The following DLGAP2 variants were observed in gnomAD, a reference collection of about 807,000 sequenced individuals.
DLGAP2 encodes the protein disks large-associated protein 2.
DLGAP2 carries 26 observed loss-of-function variants against 100.3 expected under a neutral mutation model. The ratio of observed to expected loss-of-function variants is 0.26; its 90% CI spans 0.19 to 0.36. DLGAP2 has a LOEUF of 0.36. DLGAP2 is among the 10% of genes least tolerant of loss of function. The probability of loss-of-function intolerance (pLI) is 1.00; values close to 1 mark genes in which losing one functional copy is unlikely to be tolerated. For synonymous variants in DLGAP2, 886 were observed against 630.1 expected (o/e 1.41, Z -6.08); for missense variants, 1,858 against 1,453.2 (o/e 1.28, Z -4.53).
chr8:1,197,813 G>A (rs575446278), intron 2 of DLGAP2, among the ~76,000 whole-genome samples: 2 of 152,320 alleles, frequency 1.3e-5, no homozygotes, highest in African/African-American at 4.8e-5. Flanking sequence ...CATCTCCTGG[G>A]CCTCCTGCAG....
chr8:1,431,433 T>C (rs1210120822), intron 3 of DLGAP2, among the ~76,000 whole-genome samples: 1 of 152,228 alleles, frequency 6.6e-6, no homozygotes, highest in Admixed American at 6.5e-5. Context: ...CTCAGTTCCG[T>C]TGGCTGACCA....
chr8:1,257,700 G>T lies in DLGAP2; in HGVS notation c.74-1151G>T, dbSNP rs536582039. On this transcript the variant is annotated intron_variant, in intron 2 of 14. Coordinates refer to ENST00000637795, the MANE Select transcript of DLGAP2 (RefSeq NM_001346810.2). Reference sequence around the variant, plus strand: ...AGGGCCCGTGCAGGCCAGTGCTGGCGTGGAAGAGCCGGTGTCCTCCCGAGG... The same window carrying T: ...AGGGCCCGTGCAGGCCAGTGCTGGCTTGGAAGAGCCGGTGTCCTCCCGAGG... Among the ~76,000 whole-genome samples the T allele has an allele frequency of 1.3e-4, 20 of 151,488 alleles. No individual in the cohort carries two copies. The East Asian group carries it at 3.9e-3, about 29-fold the overall frequency.
chr8:1,193,510 C>T (rs921043003), intron 2 of DLGAP2, among the ~76,000 whole-genome samples: 1 of 152,260 alleles, frequency 6.6e-6, no homozygotes, highest in Non-Finnish European at 1.5e-5. Flanking sequence ...TAGCACCATG[C>T]GTTCAGGGCT....
chr8:1,537,695 A>C (rs1172376659), intron 4 of DLGAP2, among the ~76,000 whole-genome samples: 1 of 151,690 alleles, frequency 6.6e-6, no homozygotes, highest in African/African-American at 2.4e-5. Flanking sequence ...GGATGGAAGG[A>C]TAGATGGAAG....
intron 3 of DLGAP2, among the ~76,000 whole-genome samples, chr8:1,311,834 A>G (rs779268774): frequency 2.6e-5 from 4 of 152,206 alleles, no homozygotes; most frequent in Admixed American, 6.5e-5. Context: ...GAGGGAATAA[A>G]TCTCCAAGAA....
At chr8:998,334 TC>T (rs1362417587) in intron 2 of DLGAP2, among the ~76,000 whole-genome samples, 1 of 152,220 alleles carries the variant, frequency 6.6e-6, no homozygotes, top group Admixed American at 6.5e-5. Flanking sequence ...AGGGTCTTGC[TC>T]TGTCACCCAG....
chr8:1,267,443 G>A (rs951305165), intron 3 of DLGAP2, among the ~76,000 whole-genome samples: 5 of 149,462 alleles, frequency 3.3e-5, no homozygotes, highest in African/African-American at 9.8e-5. Flanking sequence ...GCGGGCGCCT[G>A]TAACCCCAGC....
rs550247633 is a variant in DLGAP2, at chr8:1,641,089, G to C, written c.1810+8043G>C. ...AGGGTCGGGTGTCGGAGTTAGGACA[G>C]GAGCCCCTGGTCTGTGCTGTAGAGA... On this transcript the variant is annotated intron_variant, in intron 8 of 14. Transcript: ENST00000637795. 2.0e-5 allele frequency among the ~76,000 whole-genome samples: 3 copies of C among 152,246 alleles called. No homozygotes were observed. The East Asian group carries it at 5.8e-4, about 30-fold the overall frequency.
At chr8:1,282,658 CA>C in intron 3 of DLGAP2, among the ~76,000 whole-genome samples, 1 of 130,834 alleles carries the variant, frequency 7.6e-6, no homozygotes, top group African/African-American at 2.8e-5. Flanking sequence ...ATGAACCATC[CA>C]GACGTGGTGT....
chr8:1,449,406 C>T (rs1318501091), intron 3 of DLGAP2, among the ~76,000 whole-genome samples: 1 of 152,122 alleles, frequency 6.6e-6, no homozygotes, highest in Non-Finnish European at 1.5e-5. Context: ...CTGGAGCTTC[C>T]AGGGGGACTC....
rs182676549 is a variant in DLGAP2 at position 1,058,191 on chromosome 8, C to T, written c.73+150225C>T. On this transcript the variant is annotated intron_variant, in intron 2 of 14. Transcript: ENST00000637795. ...GGGGCGCGGCCGGATTGACTAGCGG[C>T]GGGTCTGGGGGTGTGGCCGGATTGA... Among the ~76,000 whole-genome samples, 7 of 151,730 alleles carry T rather than the reference C, an allele frequency of 4.6e-5. No homozygotes were observed. In the East Asian group the frequency reaches 5.8e-4, roughly 13 times the overall value.
intron 2 of DLGAP2, among the ~76,000 whole-genome samples, chr8:1,048,579 A>C (rs1453053618): frequency 6.6e-6 from 1 of 151,622 alleles, no homozygotes; most frequent in African/African-American, 2.4e-5. Flanking sequence ...TTAACTAGCA[A>C]AGTACAATGG....
At chr8:1,151,960 G>T (rs1037353042) in intron 2 of DLGAP2, among the ~76,000 whole-genome samples, 3 of 152,216 alleles carry the variant, frequency 2.0e-5, no homozygotes, top group African/African-American at 7.2e-5. Flanking sequence ...AATACATGTT[G>T]GTTCCCACAA....
intron 6 of DLGAP2, among the ~76,000 whole-genome samples, chr8:1,568,832 CG>C (rs1802531701): frequency 2.9e-5 from 4 of 138,340 alleles, no homozygotes; most frequent in Non-Finnish European, 3.1e-5. Flanking sequence ...GACACAAATC[CG>C]TCTCTGCCTA....
chr8:1,249,862 AT>A (rs1426733813), intron 2 of DLGAP2, among the ~76,000 whole-genome samples: 1 of 152,028 alleles, frequency 6.6e-6, no homozygotes. Context: ...TTCCTTAGAG[AT>A]TTTAATAAGC....
intron 8 of DLGAP2, among the ~76,000 whole-genome samples, chr8:1,650,124 T>C (rs1296541078): frequency 1.3e-5 from 2 of 152,212 alleles, no homozygotes; most frequent in Non-Finnish European, 2.9e-5. Flanking sequence ...ATTTCTTGTA[T>C]CCATTTATTG....
intron 3 of DLGAP2, among the ~76,000 whole-genome samples, chr8:1,297,798 AG>A: frequency 2.3e-5 from 2 of 87,566 alleles, no homozygotes; most frequent in Admixed American, 1.2e-4. Context: ...TGAGACAGGG[AG>A]GAGAAACGTG....
intron 1 of DLGAP2, among the ~76,000 whole-genome samples, chr8:758,510 C>G (rs1220021454): frequency 2.0e-5 from 3 of 152,272 alleles, no homozygotes; most frequent in African/African-American, 7.2e-5. Context: ...TCCACCTCTG[C>G]CCATCCCAAG....
chr8:916,612 A>C (rs1183763841), intron 2 of DLGAP2, among the ~76,000 whole-genome samples: 1 of 152,216 alleles, frequency 6.6e-6, no homozygotes, highest in Non-Finnish European at 1.5e-5. Context: ...CATATGTAAC[A>C]AACCTGCACG....
Sources: allele counts gnomAD v4.1 joint callset (sites outside exome capture counted in the v4.1 genomes callset), GRCh38; gene constraint gnomAD v4.1.1; transcripts MANE v1.5; gene names NCBI Gene and HGNC (gene_info 2026-07-23, HGNC 2026-07-21).